LARP1: variants seen among roughly 807,000 people sequenced by gnomAD.
LARP1 encodes la-related protein 1.
A neutral mutation model predicts 122.7 loss-of-function variants in LARP1; 36 were observed. That is an observed-to-expected ratio of 0.29 (90% confidence interval 0.22 to 0.39). LARP1 has a LOEUF of 0.39. Among genes scored for constraint, LARP1 ranks in the 10% least tolerant of loss-of-function variants. The pLI, the probability that LARP1 is intolerant of heterozygous loss-of-function variation, is 1.00. For synonymous variants in LARP1, 539 were observed against 528.7 expected (o/e 1.02, Z -0.27); for missense variants, 1,040 against 1,403.6 (o/e 0.74, Z 4.14).
intron 1 of LARP1, among the ~76,000 whole-genome samples, chr5:154,697,973 G>GT (rs1416826949): frequency 1.3e-5 from 2 of 151,910 alleles, no homozygotes; most frequent in African/African-American, 4.8e-5. Flanking sequence ...CTGCAGTCAT[G>GT]TACCACTATA....
intron 9 of LARP1, 45 bp downstream of exon 9, chr5:154,799,804 C>T (rs1758192772): frequency 6.2e-7 from 1 of 1,611,620 alleles, no homozygotes; most frequent in South Asian, 1.1e-5. Flanking sequence ...CTCTGGGCAA[C>T]AGTCCTCCTC....
intron 8 of LARP1, among the ~76,000 whole-genome samples, chr5:154,798,080 T>C (rs2113812977): frequency 6.6e-6 from 1 of 152,356 alleles, no homozygotes; most frequent in East Asian, 1.9e-4. Flanking sequence ...TGGTTTCACA[T>C]TTAAATTGAT....
Position 154,803,652 on chromosome 5 carries a change from C to T in LARP1, c.2346C>T (p.Thr782=), listed in dbSNP as rs1197189047. 2 of 1,614,148 alleles carry T rather than the reference C, an allele frequency of 1.2e-6. No homozygotes were observed. The highest frequency in any genetic ancestry group is 1.1e-5 in the South Asian group (1 of 91,066). The change falls in exon 13 of 19, where the codon ACC becomes ACT. Residue 782 remains threonine (T), a synonymous_variant. Transcript: ENST00000518297. This position sits in a 1 kb window ranked among gnomAD's most constrained non-coding sequence, Gnocchi z 4.4. ...CACCAAACTACCGCAACACCAGGACCCCTCGCACTCCCCGGACACCACAGC... is the reference window on the plus strand; with the variant it reads ...CACCAAACTACCGCAACACCAGGACTCCTCGCACTCCCCGGACACCACAGC... ...PESPNYRNTR[T]PRTPRTPQLK... is the part of the protein sequence containing the mutation.
chr5:154,804,592 G>C (rs145240078), intron 14 of LARP1, among the ~76,000 whole-genome samples: 1 of 152,310 alleles, frequency 6.6e-6, no homozygotes, highest in Non-Finnish European at 1.5e-5. Context: ...CTTTCTGTCT[G>C]AGGAAGAATA....
intron 1 of LARP1, among the ~76,000 whole-genome samples, chr5:154,787,935 A>C (rs1438620249): frequency 1.3e-5 from 2 of 152,212 alleles, no homozygotes; most frequent in Admixed American, 6.5e-5. Context: ...GTGATCAAAC[A>C]ATGATCTGAC....
intron 1 of LARP1, among the ~76,000 whole-genome samples, chr5:154,685,168 C>T (rs544497420): frequency 2.6e-5 from 4 of 151,724 alleles, no homozygotes; most frequent in African/African-American, 4.8e-5. Context: ...CACTTGAACC[C>T]GGAGGGTGGA....
upstream of LARP1, among the ~76,000 whole-genome samples, chr5:154,752,312 G>A (rs747180882): frequency 6.6e-6 from 1 of 151,644 alleles, no homozygotes; most frequent in Non-Finnish European, 1.5e-5. Context: ...GGGTGATCTC[G>A]GCTTACTGCA....
chr5:154,696,364 A>G (rs1754470068), intron 1 of LARP1, among the ~76,000 whole-genome samples: 2 of 118,118 alleles, frequency 1.7e-5, no homozygotes, highest in Admixed American at 8.1e-5. Flanking sequence ...CTCAAAAACA[A>G]CAACAGCAAC....
chr5:154,758,209 C>G (rs1754158697), intron 1 of LARP1, among the ~76,000 whole-genome samples: 1 of 151,970 alleles, frequency 6.6e-6, no homozygotes, highest in Non-Finnish European at 1.5e-5. Context: ...AGTCCAGGAG[C>G]CCTTGATAGT....
chr5:154,733,019 G>C (rs993356087), intron 1 of LARP1, among the ~76,000 whole-genome samples: 5 of 152,158 alleles, frequency 3.3e-5, no homozygotes, highest in African/African-American at 1.2e-4. Context: ...CGAAAAAGGT[G>C]AGTGTCTCAT....
intron 18 of LARP1, among the ~76,000 whole-genome samples, chr5:154,813,022 T>C (rs816715): frequency 0.05 from 7,572 of 152,240 alleles, 321 homozygotes; most frequent in African/African-American, 0.12. Context: ...AACTGCCATT[T>C]ATTAAGTGTT....
At chr5:154,686,779 T>G (rs1012472639) in intron 1 of LARP1, among the ~76,000 whole-genome samples, 1 of 152,194 alleles carries the variant, frequency 6.6e-6, no homozygotes, top group African/African-American at 2.4e-5. Context: ...GTTCAGATCC[T>G]ACAGACCCTT....
chr5:154,811,730 C>T, intron 18 of LARP1, 90 bp downstream of exon 18: 4 of 1,518,812 alleles, frequency 2.6e-6, no homozygotes, highest in South Asian at 2.3e-5. Context: ...CAGCTGTGCC[C>T]CTAGCCCAGG....
At chr5:154,749,227 A>T (rs1753355733) in intron 1 of LARP1, among the ~76,000 whole-genome samples, 1 of 152,216 alleles carries the variant, frequency 6.6e-6, no homozygotes, top group African/African-American at 2.4e-5. Context: ...GAAGCCCATC[A>T]CGGGACAACT....
At chr5:154,741,228 G>A (rs1001407376) in intron 1 of LARP1, among the ~76,000 whole-genome samples, 5 of 152,324 alleles carry the variant, frequency 3.3e-5, no homozygotes, top group Admixed American at 6.5e-5. Flanking sequence ...CAGTCAGAAC[G>A]CCAAGGGCTC....
intron 10 of LARP1, among the ~76,000 whole-genome samples, chr5:154,800,316 G>A (rs769884450): frequency 3.3e-5 from 5 of 152,214 alleles, no homozygotes; most frequent in Non-Finnish European, 5.9e-5. Context: ...ATCTGGCAGC[G>A]ATGTTTCTGG....
At chr5:154,796,433 T>C (rs1757859841) in intron 8 of LARP1, among the ~76,000 whole-genome samples, 3 of 151,944 alleles carry the variant, frequency 2.0e-5, no homozygotes, top group Admixed American at 2.0e-4. Flanking sequence ...CGTTTATTAT[T>C]TGAATAGACT....
chr5:154,794,697 C>T (rs1007010031), intron 7 of LARP1, among the ~76,000 whole-genome samples: 69 of 152,260 alleles, frequency 4.5e-4, no homozygotes, highest in African/African-American at 1.6e-3. Context: ...ACAAGCAAAC[C>T]GGCCCAGTAA....
At chr5:154,754,904 T>C (rs960379923), upstream of LARP1, among the ~76,000 whole-genome samples, 2 of 152,116 alleles carry the variant, frequency 1.3e-5, no homozygotes, top group African/African-American at 4.8e-5. Flanking sequence ...GGAATGACAC[T>C]AATGGCTCCT....
Sources: gnomAD v4.1 joint callset for allele counts (sites outside exome capture counted in the v4.1 genomes callset) on GRCh38, gnomAD v4.1.1 for gene constraint, Gnocchi (gnomAD v3.1) non-coding constraint, MANE v1.5 for transcripts, NCBI Gene and HGNC (gene_info 2026-07-23, HGNC 2026-07-21) for gene names.